CDH4: variants seen among roughly 807,000 people sequenced by gnomAD.
CDH4 encodes the protein cadherin 4.
In CDH4, 33 loss-of-function variants were observed where a neutral mutation model predicts 86.0. The observed-to-expected ratio is 0.38, with a 90% confidence interval of 0.29 to 0.51. The LOEUF is 0.51. Ranked by LOEUF, CDH4 falls within the 20% of genes least tolerant of loss-of-function variation. The pLI, the probability that CDH4 is intolerant of heterozygous loss-of-function variation, is 0.86. For synonymous variants in CDH4, 555 were observed against 549.4 expected, an observed-to-expected ratio of 1.01 and a Z score of -0.14; for missense variants, 1,114 against 1,307.4, an observed-to-expected ratio of 0.85 and a Z score of 2.28.
chr20:61,279,227 G>A (rs1271656676), intron 2 of CDH4, among the ~76,000 whole-genome samples: 3 of 152,206 alleles, frequency 2.0e-5, no homozygotes, highest in African/African-American at 7.2e-5. Context: ...GAGGGACACG[G>A]CGAGGCACTC....
intron 13 of CDH4, among the ~76,000 whole-genome samples, chr20:61,932,521 GCA>G (rs2055123534): frequency 3.3e-5 from 5 of 152,172 alleles, no homozygotes; most frequent in South Asian, 2.1e-4. Flanking sequence ...ATGGACACAT[GCA>G]CACACAGACC....
chr20:61,765,646 T>G (rs548443498), intron 3 of CDH4, among the ~76,000 whole-genome samples: 13 of 152,254 alleles, frequency 8.5e-5, no homozygotes, highest in African/African-American at 3.1e-4. Flanking sequence ...GAACAGACTC[T>G]GAGGAGCCTG....
chr20:61,578,029 C>T (rs1406289077), intron 2 of CDH4, among the ~76,000 whole-genome samples: 2 of 152,178 alleles, frequency 1.3e-5, no homozygotes, highest in Admixed American at 1.3e-4. Flanking sequence ...AGCTTGCCTG[C>T]CCAGCCAGGA....
chr20:61,854,103 C>T (rs1982871169), intron 6 of CDH4, among the ~76,000 whole-genome samples: 1 of 152,174 alleles, frequency 6.6e-6, no homozygotes, highest in African/African-American at 2.4e-5. Context: ...GGCCAGTGCC[C>T]AGCAAGTGAC....
At chr20:61,779,339 C>A (rs1978409192) in intron 4 of CDH4, among the ~76,000 whole-genome samples, 2 of 152,122 alleles carry the variant, frequency 1.3e-5, no homozygotes, top group African/African-American at 4.8e-5. Context: ...AACCCTCGGG[C>A]CCCCCTGCCA....
intron 2 of CDH4, among the ~76,000 whole-genome samples, chr20:61,279,875 C>A (rs1244994568): frequency 6.6e-6 from 1 of 152,208 alleles, no homozygotes; most frequent in East Asian, 1.9e-4. Flanking sequence ...GCCAGGATTT[C>A]TGTGAGCCTG....
chr20:61,597,871 G>T (rs2086568302), intron 2 of CDH4, among the ~76,000 whole-genome samples: 1 of 152,264 alleles, frequency 6.6e-6, no homozygotes, highest in African/African-American at 2.4e-5. Flanking sequence ...GAGCCTCAGA[G>T]GGCAGGGACG....
At chr20:61,471,686 C>T (rs566319775) in intron 2 of CDH4, among the ~76,000 whole-genome samples, 173 of 151,798 alleles carry the variant, frequency 1.1e-3, no homozygotes, top group Admixed American at 2.2e-3. Flanking sequence ...TGCTGTGTTC[C>T]GTAGGTTTTG....
At position 61,537,753 on chromosome 20, in the gene CDH4, C is replaced by T. The variant is rs77399248; in HGVS notation, c.170-205810C>T. Among the ~76,000 whole-genome samples, 508 of 152,232 alleles carry T rather than the reference C, an allele frequency of 3.3e-3. 3 individuals carry two copies. The highest frequency in any genetic ancestry group is 0.014 in the Middle Eastern group (4 of 294). ...GATGCCTTGTTGGGAGTTAACAAGC[C>T]GGGTCTTTCAAAGGAGAGCTTGAAA... On this transcript the variant is annotated intron_variant, in intron 2 of 15. Transcript: ENST00000614565.
intron 2 of CDH4, among the ~76,000 whole-genome samples, chr20:61,525,762 C>T (rs1382190126): frequency 6.6e-6 from 1 of 152,188 alleles, no homozygotes; most frequent in Non-Finnish European, 1.5e-5. Context: ...GTTCATGTCA[C>T]AGACCCCTGC....
chr20:61,882,645 T>A (rs947607106), intron 7 of CDH4, among the ~76,000 whole-genome samples: 2 of 152,260 alleles, frequency 1.3e-5, no homozygotes, highest in South Asian at 4.2e-4. Flanking sequence ...CCTGAGTCAC[T>A]GTGTGCGGCT....
intron 2 of CDH4, among the ~76,000 whole-genome samples, chr20:61,702,783 A>T (rs897400066): frequency 6.6e-6 from 1 of 152,108 alleles, no homozygotes; most frequent in African/African-American, 2.4e-5. Context: ...TTATCGTGTT[A>T]TTTTTTTCCA....
chr20:61,537,719 C>T (rs2086008177), intron 2 of CDH4, among the ~76,000 whole-genome samples: 1 of 152,156 alleles, frequency 6.6e-6, no homozygotes, highest in African/African-American at 2.4e-5. Flanking sequence ...TGTGCAGACT[C>T]AAAAGGCAGA....
chr20:61,629,658 G>A (rs1197128253), intron 2 of CDH4, among the ~76,000 whole-genome samples: 1 of 152,228 alleles, frequency 6.6e-6, no homozygotes, highest in Non-Finnish European at 1.5e-5. Context: ...GGTTTTTCCA[G>A]CCTTAACAGA....
At chr20:61,533,962 T>G (rs1407820943) in intron 2 of CDH4, among the ~76,000 whole-genome samples, 1 of 151,390 alleles carries the variant, frequency 6.6e-6, no homozygotes, top group East Asian at 2.0e-4. Context: ...CCATTGCTTT[T>G]GCTTTCAGAC....
intron 2 of CDH4, among the ~76,000 whole-genome samples, chr20:61,500,843 G>T (rs566085036): frequency 6.6e-6 from 1 of 152,326 alleles, no homozygotes; most frequent in East Asian, 1.9e-4. Context: ...GGTTGAACTG[G>T]CACTGGGACA....
In CDH4 at chr20:61,642,733, G is replaced by T. The variant is rs547666475; in HGVS notation, c.170-100830G>T. Among the ~76,000 whole-genome samples the T allele has an allele frequency of 1.8e-3, 271 of 152,278 alleles. 1 individual carries two copies. Among genetic ancestry groups the T allele is most frequent in the African/African-American group, 6.4e-3 (264 of 41,546 alleles). On this transcript the variant is annotated intron_variant, in intron 2 of 15. Transcript: ENST00000614565. ...GGGCTATAATCCAGGTGTCTGCAGG[G>T]CTGGTTCCTTATTGAGGCTCCAGGG...
chr20:61,442,537 G>A lies in CDH4; in HGVS notation c.169+187600G>A, dbSNP rs544404732. On this transcript the variant is annotated intron_variant, in intron 2 of 15. Transcript: ENST00000614565. Reference sequence around the variant, plus strand: ...CATTTCTAACAGGCCCACTCAGACGGTTCCAGCCTTCGCTTTGGGGTTCTA... The same window carrying A: ...CATTTCTAACAGGCCCACTCAGACGATTCCAGCCTTCGCTTTGGGGTTCTA... 1.6e-3 allele frequency among the ~76,000 whole-genome samples: 250 copies of A among 152,318 alleles called. 1 individual carries two copies. Among genetic ancestry groups the A allele is most frequent in the Non-Finnish European group, 2.8e-3 (192 of 68,024 alleles).
intron 2 of CDH4, among the ~76,000 whole-genome samples, chr20:61,667,343 C>T (rs2087337902): frequency 6.6e-6 from 1 of 152,244 alleles, no homozygotes; most frequent in African/African-American, 2.4e-5. Context: ...CTATGCACAC[C>T]ATCCTCACCA....
Sources: gnomAD v4.1 joint callset for allele counts (sites outside exome capture counted in the v4.1 genomes callset) on GRCh38, gnomAD v4.1.1 for gene constraint, MANE v1.5 for transcripts, NCBI Gene and HGNC (gene_info 2026-07-23, HGNC 2026-07-21) for gene names.